RBFOX1: variants seen among roughly 807,000 people sequenced by gnomAD.
The protein encoded by RBFOX1 is RNA binding protein fox-1 homolog 1.
In RBFOX1, 8 loss-of-function variants were observed where a neutral mutation model predicts 57.7. That is an observed-to-expected ratio of 0.14 (90% CI 0.08 to 0.25). RBFOX1 has a LOEUF of 0.25. RBFOX1 is among the 10% of genes least tolerant of loss of function. The pLI is 1.00. For missense variants in RBFOX1, 611 were observed against 548.5 expected, an observed-to-expected ratio of 1.11 and a Z score of -1.14; for synonymous variants, 326 against 222.4, an observed-to-expected ratio of 1.47 and a Z score of -4.15.
At chr16:7,152,639 C>G (rs1601168620) in intron 4 of RBFOX1, among the ~76,000 whole-genome samples, 1 of 152,002 alleles carries the variant, frequency 6.6e-6, no homozygotes, top group Non-Finnish European at 1.5e-5. Context: ...AGATGTGAGT[C>G]TGGTATGCGC....
intron 3 of RBFOX1, among the ~76,000 whole-genome samples, chr16:6,794,874 A>G (rs2083653539): frequency 6.6e-6 from 1 of 152,142 alleles, no homozygotes; most frequent in Non-Finnish European, 1.5e-5. Context: ...CCCCTATGAA[A>G]AAAATGGAGG....
chr16:5,591,294 C>T (rs1023443193), intron 2 of RBFOX1, among the ~76,000 whole-genome samples: 26 of 151,062 alleles, frequency 1.7e-4, no homozygotes, highest in Non-Finnish European at 2.7e-4. Context: ...TTTTGTTACC[C>T]AGGCTGGAGT....
chr16:5,529,571 A>T (rs1350955797), intron 2 of RBFOX1, among the ~76,000 whole-genome samples: 2 of 143,532 alleles, frequency 1.4e-5, no homozygotes, highest in African/African-American at 2.6e-5. Flanking sequence ...TCATTTATGT[A>T]TTTTTTTTTT....
intron 1 of RBFOX1, among the ~76,000 whole-genome samples, chr16:6,306,340 C>T (rs556662957): frequency 5.3e-5 from 8 of 152,166 alleles, no homozygotes; most frequent in Non-Finnish European, 8.8e-5. Context: ...TCCCTTCAAG[C>T]CCTGCTGCTG....
At chr16:6,772,639 C>A (rs1401346331) in intron 3 of RBFOX1, among the ~76,000 whole-genome samples, 1 of 132,774 alleles carries the variant, frequency 7.5e-6, no homozygotes, top group Non-Finnish European at 1.6e-5. Context: ...GTGTGGGGTG[C>A]ATTTGTGTGT....
chr16:6,720,900 A>T (rs1237263044), intron 3 of RBFOX1, among the ~76,000 whole-genome samples: 1 of 152,198 alleles, frequency 6.6e-6, no homozygotes, highest in African/African-American at 2.4e-5. Flanking sequence ...TTACCTTAAC[A>T]TGATGCTACC....
At position 6,300,820 on chromosome 16, in the gene RBFOX1, C is replaced by T. The variant is rs532495947; in HGVS notation, c.-126-16175C>T. ...ACCTCCCAAGTCAGGATACATTGCT[C>T]TTCAGTTTTTCTGCTGGGAATCTTG... On this transcript the variant is annotated intron_variant, in intron 1 of 15. Coordinates refer to ENST00000550418, the MANE Select transcript of RBFOX1 (RefSeq NM_018723.4). 3.3e-5 allele frequency among the ~76,000 whole-genome samples: 5 copies of T among 152,274 alleles called. No homozygotes were observed. In the South Asian group the frequency reaches 1.0e-3, roughly 32 times the overall value.
At chr16:5,762,215 G>T (rs544508208) in intron 3 of RBFOX1, among the ~76,000 whole-genome samples, 1 of 152,218 alleles carries the variant, frequency 6.6e-6, no homozygotes, top group South Asian at 2.1e-4. Context: ...TTGAAGCTGT[G>T]AATAAGCAGT....
intron 1 of RBFOX1, among the ~76,000 whole-genome samples, chr16:6,187,270 C>T (rs1169508573): frequency 1.3e-5 from 2 of 151,828 alleles, no homozygotes; most frequent in African/African-American, 4.8e-5. Context: ...GGATGACGAT[C>T]GATGTTTTCT....
At position 5,716,421 on chromosome 16, in the gene RBFOX1, C is replaced by G. The variant is rs999636255; in HGVS notation, c.318+117460C>G. Among the ~76,000 whole-genome samples, 135 of 152,322 alleles carry G rather than the reference C, an allele frequency of 8.9e-4. 1 individual carries two copies. The highest frequency in any genetic ancestry group is 2.9e-3 in the African/African-American group (122 of 41,568). The stretch of plus-strand genomic sequence containing the variant: ...CTCACCTTCCACCCTCCGACAGACC[C>G]CAGTGTCCATGTGTCCAACAATTGC... On this transcript the variant is annotated intron_variant, in intron 3 of 19. Transcript: ENST00000641259.
At chr16:7,629,094 C>T (rs1352531758) in intron 10 of RBFOX1, among the ~76,000 whole-genome samples, 1 of 152,122 alleles carries the variant, frequency 6.6e-6, no homozygotes, top group Non-Finnish European at 1.5e-5. Context: ...CAGCTATAAG[C>T]ATGGGAAACC....
chr16:6,806,122 A>C lies in RBFOX1; in HGVS notation c.-16+151472A>C, dbSNP rs549177542. Among the ~76,000 whole-genome samples the C allele has an allele frequency of 2.0e-5, 3 of 151,522 alleles. No homozygotes were observed. In the East Asian group the frequency reaches 5.8e-4, roughly 29 times the overall value. The stretch of plus-strand genomic sequence containing the variant: ...CATCCAAGAACCAGTTTGAATATTT[A>C]GATGATTTAGAGTGGAATTAGTTAG... On this transcript the variant is annotated intron_variant, in intron 3 of 15. Transcript: ENST00000550418.
chr16:6,538,458 C>G (rs925397240), intron 2 of RBFOX1, among the ~76,000 whole-genome samples: 1 of 152,146 alleles, frequency 6.6e-6, no homozygotes, highest in Non-Finnish European at 1.5e-5. Context: ...CGCTACTGCA[C>G]TCTAGCCTGG....
chr16:5,583,836 C>G (rs1475127512), intron 2 of RBFOX1, among the ~76,000 whole-genome samples: 1 of 152,204 alleles, frequency 6.6e-6, no homozygotes, highest in South Asian at 2.1e-4. Flanking sequence ...CTGAAATAAA[C>G]AGCAGCATCT....
chr16:6,699,165 T>G (rs972143218), intron 3 of RBFOX1, among the ~76,000 whole-genome samples: 6 of 152,162 alleles, frequency 3.9e-5, no homozygotes, highest in African/African-American at 1.4e-4. Context: ...ACCCCTGTCA[T>G]GTCAGTTTTT....
intron 2 of RBFOX1, among the ~76,000 whole-genome samples, chr16:6,627,538 C>G (rs2098327045): frequency 6.6e-6 from 1 of 152,164 alleles, no homozygotes; most frequent in South Asian, 2.1e-4. Flanking sequence ...GAGTAAGTCT[C>G]TAGGTCTCAA....
chr16:6,955,689 GTATT>G (rs58578302), intron 3 of RBFOX1, among the ~76,000 whole-genome samples: 39 of 118,718 alleles, frequency 3.3e-4, no homozygotes, highest in South Asian at 1.1e-3. Context: ...AGGTATGTAT[GTATT>G]TATTTATTTA....
chr16:7,372,521 C>T (rs193112898), intron 4 of RBFOX1, among the ~76,000 whole-genome samples: 191 of 152,238 alleles, frequency 1.3e-3, no homozygotes, highest in Non-Finnish European at 2.4e-3. Flanking sequence ...CTTCTGCCAA[C>T]CCTGATTGAT....
chr16:6,595,992 G>C (rs979487976), intron 2 of RBFOX1, among the ~76,000 whole-genome samples: 2 of 149,444 alleles, frequency 1.3e-5, no homozygotes, highest in Admixed American at 6.7e-5. Context: ...TTATTTTTAA[G>C]TTGTATGTAA....
Sources: allele counts gnomAD v4.1 joint callset (sites outside exome capture counted in the v4.1 genomes callset), GRCh38; gene constraint gnomAD v4.1.1; transcripts MANE v1.5; gene names NCBI Gene and HGNC (gene_info 2026-07-23, HGNC 2026-07-21).